The following SGCZ variants were observed in gnomAD, a reference collection of about 807,000 sequenced individuals.
SGCZ encodes zeta-sarcoglycan.
Under a neutral mutation model 41.3 loss-of-function variants are expected in SGCZ, and 40 were observed. The observed-to-expected ratio is 0.97, with a 90% CI of 0.75 to 1.26. SGCZ has a LOEUF of 1.26. SGCZ is among the 50% of genes most tolerant of loss of function. The pLI is 0.00. For synonymous variants in SGCZ, 206 were observed against 137.5 expected (o/e 1.50, Z -3.49); for missense variants, 552 against 369.8 (o/e 1.49, Z -4.04).
At chr8:14,188,445 C>A (rs887203686) in intron 4 of SGCZ, among the ~76,000 whole-genome samples, 1 of 152,080 alleles carries the variant, frequency 6.6e-6, no homozygotes, top group African/African-American at 2.4e-5. Context: ...AACCCAGTCA[C>A]AGAAGACTAC....
intron 1 of SGCZ, among the ~76,000 whole-genome samples, chr8:14,889,978 G>A (rs1285233280): frequency 6.6e-6 from 1 of 152,140 alleles, no homozygotes; most frequent in African/African-American, 2.4e-5. Context: ...CTGCACCAAG[G>A]GAGGCCAAGG....
intron 1 of SGCZ, among the ~76,000 whole-genome samples, chr8:14,733,165 C>T (rs189087257): frequency 1.5e-3 from 227 of 152,242 alleles, no homozygotes; most frequent in Middle Eastern, 6.8e-3. Flanking sequence ...ACACTTTGAG[C>T]CACTGCCCAC....
chr8:14,690,858 T>A (rs1423677971), intron 1 of SGCZ, among the ~76,000 whole-genome samples: 2 of 152,208 alleles, frequency 1.3e-5, no homozygotes, highest in South Asian at 4.1e-4. Context: ...AATACAAATT[T>A]AGCCTTTCTT....
intron 2 of SGCZ, among the ~76,000 whole-genome samples, chr8:14,541,566 C>A (rs1803468497): frequency 6.6e-6 from 1 of 151,914 alleles, no homozygotes; most frequent in Admixed American, 6.6e-5. Context: ...GGGTTGGTTC[C>A]AAGTCAATGC....
At chr8:14,512,614 TAC>T (rs1039383142) in intron 2 of SGCZ, among the ~76,000 whole-genome samples, 20 of 111,530 alleles carry the variant, frequency 1.8e-4, no homozygotes, top group African/African-American at 6.9e-4. Context: ...TACAAGGCAT[TAC>T]ACCTGGCTAT....
intron 1 of SGCZ, among the ~76,000 whole-genome samples, chr8:14,918,359 G>A (rs1799498783): frequency 6.6e-6 from 1 of 151,864 alleles, no homozygotes; most frequent in Non-Finnish European, 1.5e-5. Flanking sequence ...TCATGAAGAA[G>A]CACATGGATT....
At chr8:14,250,271 A>G (rs185259393) in intron 3 of SGCZ, among the ~76,000 whole-genome samples, 1 of 152,176 alleles carries the variant, frequency 6.6e-6, no homozygotes, top group Non-Finnish European at 1.5e-5. Flanking sequence ...TTGCAAAAAA[A>G]TTTTTGAACT....
At chr8:15,004,489 G>C (rs1404327682) in intron 1 of SGCZ, among the ~76,000 whole-genome samples, 1 of 152,128 alleles carries the variant, frequency 6.6e-6, no homozygotes, top group Non-Finnish European at 1.5e-5. Context: ...GGAGACTTAA[G>C]ACAGAGGTGG....
intron 1 of SGCZ, among the ~76,000 whole-genome samples, chr8:14,719,796 T>G (rs1050019851): frequency 6.6e-6 from 1 of 151,858 alleles, no homozygotes; most frequent in South Asian, 2.1e-4. Flanking sequence ...TTCTCCCATT[T>G]TGTAGGTTGC....
At position 14,247,947 on chromosome 8, in the gene SGCZ, A is replaced by G. The variant is rs115086882; in HGVS notation, c.337-10268T>C. Among the ~76,000 whole-genome samples the G allele has an allele frequency of 6.3e-3, 962 of 152,356 alleles. 12 individuals carry two copies. Among genetic ancestry groups the G allele is most frequent in the African/African-American group, 0.022 (935 of 41,582 alleles). On this transcript the variant is annotated intron_variant, in intron 3 of 7. Transcript: ENST00000382080. ...TACAGCATATGTGAAAATTTACTTT[A>G]TATAGAAAAATAGACAATCTGCAGA...
At chr8:14,478,013 G>A (rs888801079) in intron 2 of SGCZ, among the ~76,000 whole-genome samples, 4 of 152,208 alleles carry the variant, frequency 2.6e-5, no homozygotes, top group African/African-American at 9.6e-5. Context: ...TAATTATGAA[G>A]AAGGAACCTG....
At chr8:14,731,321 T>G (rs182483427) in intron 1 of SGCZ, among the ~76,000 whole-genome samples, 1,754 of 139,964 alleles carry the variant, frequency 0.013, 49 homozygotes, top group African/African-American at 0.043. Context: ...CACTCATAAG[T>G]GGGAGTTGAA....
At chr8:15,066,026 G>C (rs966002680) in intron 1 of SGCZ, among the ~76,000 whole-genome samples, 10 of 152,018 alleles carry the variant, frequency 6.6e-5, no homozygotes, top group African/African-American at 1.9e-4. Flanking sequence ...AGTCCACCTT[G>C]GGCCGGGCGC....
chr8:14,698,105 C>T (rs989446359), intron 1 of SGCZ, among the ~76,000 whole-genome samples: 9 of 152,004 alleles, frequency 5.9e-5, no homozygotes, highest in Non-Finnish European at 7.4e-5. Flanking sequence ...AATAACTACT[C>T]ACTATTTAAA....
At chr8:14,379,795 G>A (rs552441683) in intron 2 of SGCZ, among the ~76,000 whole-genome samples, 193 of 152,036 alleles carry the variant, frequency 1.3e-3, no homozygotes, top group Non-Finnish European at 2.0e-3. Flanking sequence ...ACAGTGGCTC[G>A]ATCTCAGCAC....
At chr8:14,283,716 G>T (rs1253555223) in intron 3 of SGCZ, among the ~76,000 whole-genome samples, 1 of 152,122 alleles carries the variant, frequency 6.6e-6, no homozygotes, top group Non-Finnish European at 1.5e-5. Context: ...TCTGCAGAAG[G>T]CCAGATAATA....
intron 1 of SGCZ, among the ~76,000 whole-genome samples, chr8:14,740,520 A>G (rs1799170923): frequency 6.6e-6 from 1 of 152,056 alleles, no homozygotes; most frequent in Admixed American, 6.6e-5. Flanking sequence ...TTGGCAAAAT[A>G]ACGTACTATG....
intron 1 of SGCZ, among the ~76,000 whole-genome samples, chr8:15,135,695 T>C (rs916115827): frequency 6.6e-6 from 1 of 152,148 alleles, no homozygotes; most frequent in Non-Finnish European, 1.5e-5. Context: ...CTGTGTGTAG[T>C]ACTGATGCCG....
At position 14,631,377 on chromosome 8, in the gene SGCZ, G is replaced by T. The variant is rs147678364; in HGVS notation, c.40-76451C>A. ...AGAGTTGACTTGTACTTACTCACGA[G>T]AGCCTATTTTGATTTCTCTTCCATG... On this transcript the variant is annotated intron_variant, in intron 1 of 7. Transcript: ENST00000382080. Among the ~76,000 whole-genome samples the T allele has an allele frequency of 6.6e-3, 997 of 152,134 alleles. 3 individuals are homozygous for T. The highest frequency in any genetic ancestry group is 0.015 in the South Asian group (71 of 4,818).
Sources: allele counts gnomAD v4.1 joint callset (sites outside exome capture counted in the v4.1 genomes callset), GRCh38; gene constraint gnomAD v4.1.1; transcripts MANE v1.5; gene names NCBI Gene and HGNC (gene_info 2026-07-23, HGNC 2026-07-21).